The following MYRF variants were observed in gnomAD, a reference collection of about 807,000 sequenced individuals.
The protein encoded by MYRF is myelin regulatory factor.
Under a neutral mutation model 126.3 loss-of-function variants are expected in MYRF, and 16 were observed. The observed-to-expected ratio is 0.13, with a 90% CI of 0.09 to 0.19. MYRF has a LOEUF of 0.19. Among genes scored for constraint, MYRF ranks in the 10% least tolerant of loss-of-function variants. MYRF has a pLI of 1.00. For synonymous variants in MYRF, 608 were observed against 635.3 expected (o/e 0.96, Z 0.65); for missense variants, 1,104 against 1,547.0 (o/e 0.71, Z 4.80).
chr11:61,785,486 T>G (rs1232371299), intron 25 of MYRF: 1 of 385,504 alleles, frequency 2.6e-6, no homozygotes, highest in Non-Finnish European at 4.8e-6. Flanking sequence ...GTACTGAGGA[T>G]GGGGCTAATG....
At position 61,783,583 on chromosome 11, in the gene MYRF, T is replaced by C; in HGVS notation, c.3102T>C (p.Ala1034=). Residue 1034 remains alanine, a synonymous_variant, in exon 23 of 27, where the codon GCT becomes GCC. Coordinates refer to ENST00000278836, the MANE Select transcript of MYRF (RefSeq NM_001127392.3). The surrounding 1 kb of genome is among the most constrained non-coding windows in gnomAD (Gnocchi z 4.6). The part of the protein sequence containing the change: ...NSMSITSQYC[A]PGDACRPGNF... ...TGTCCATCACCTCCCAGTACTGTGCTCCAGGGGATGCCTGCAGGTGGGCTG... is the reference window on the plus strand; with the variant it reads ...TGTCCATCACCTCCCAGTACTGTGCCCCAGGGGATGCCTGCAGGTGGGCTG... The C allele has an allele frequency of 6.2e-7, 1 of 1,613,584 alleles. No homozygotes were observed. The highest frequency in any genetic ancestry group is 8.5e-7 in the Non-Finnish European group (1 of 1,179,860).
rs2066041998 is a variant in MYRF at position 61,765,851 on chromosome 11, C to A, written c.135-107C>A. The A allele has an allele frequency of 4.2e-6, 6 of 1,432,780 alleles. No homozygotes were observed. In the South Asian group the frequency reaches 5.5e-5, roughly 13 times the overall value. 88.8% of individuals were successfully genotyped at this position (1,432,780 alleles called of 1,614,324 possible). On this transcript the variant is annotated intron_variant, in intron 2 of 26. Coordinates refer to ENST00000278836, the MANE Select transcript of MYRF (RefSeq NM_001127392.3). ...AAAGCTGCTCCTCGTCCCTTCCCAG[C>A]CACTGACTCCTCCGAAATCTCCATA...
rs571346487 is a variant in MYRF, at chr11:61,769,339, C to T, written c.460+18C>T. The T allele has an allele frequency of 3.4e-5, 54 of 1,599,878 alleles. No individual in the cohort carries two copies. The highest frequency in any genetic ancestry group is 4.3e-5 in the Non-Finnish European group (50 of 1,172,428). On this transcript the variant is annotated intron_variant, in intron 4 of 26. Transcript: ENST00000278836. ...GGTGAATGGTGAGTCCAGCGGGCACCGCCCTCCTGCTCCAGGGTTTGGGCA... is the reference window on the plus strand; with the variant it reads ...GGTGAATGGTGAGTCCAGCGGGCACTGCCCTCCTGCTCCAGGGTTTGGGCA...
In MYRF at chr11:61,781,780, C is replaced by G; in HGVS notation, c.2972C>G (p.Ser991Cys). The change falls in exon 22 of 27, where the codon TCC becomes TGC. Residue 991 changes from serine to cysteine, a missense_variant. Physicochemically the swap from Ser to Cys is moderately radical, Grantham distance 112. Around this residue, in one of 10 missense-constraint regions of MYRF, gnomAD observed 323 missense variants for 383.1 expected, o/e 0.84. Coordinates refer to ENST00000278836, the MANE Select transcript of MYRF (RefSeq NM_001127392.3). ...HGRARRGALQ[S>C]SVGPAEPTWA... is the part of the protein sequence containing the mutation. The stretch of plus-strand genomic sequence containing the variant: ...CGGGCCCGCCGAGGGGCCCTCCAGT[C>G]CAGCGTGGGCCCTGCTGAGCCCACC... 6.2e-7 allele frequency: 1 copy of G among 1,603,514 alleles called. No homozygotes were observed. The highest frequency in any genetic ancestry group is 8.5e-7 in the Non-Finnish European group (1 of 1,175,974).
chr11:61,754,683 A>C (rs1210566292), intron 1 of MYRF, among the ~76,000 whole-genome samples: 2 of 151,708 alleles, frequency 1.3e-5, no homozygotes, highest in African/African-American at 4.8e-5. Context: ...TTAGCCATGC[A>C]GCGGCCTGGC....
rs748174896 is a variant in MYRF, at chr11:61,766,168, G to C, written c.345G>C (p.Pro115=). Residue 115 remains proline (P), a synonymous_variant, in exon 3 of 27, where the codon CCG becomes CCC. Transcript: ENST00000278836. ...TGGGCGCTGCCCCCAAGCCCTTCCC[G>C]GGGGGCACCGGGCCCCCCATCAAGG... The part of the protein sequence containing the change: ...NGMGAAPKPF[P]GGTGPPIKAE... 1.2e-6 allele frequency: 2 copies of C among 1,611,482 alleles called. No homozygotes were observed. The highest frequency in any genetic ancestry group is 1.1e-5 in the South Asian group (1 of 91,046).
chr11:61,775,823 G>T (rs2066363424), intron 8 of MYRF, among the ~76,000 whole-genome samples: 1 of 151,596 alleles, frequency 6.6e-6, no homozygotes, highest in Non-Finnish European at 1.5e-5. Context: ...CTGTGCAGAA[G>T]TTGGGGGAGT....
chr11:61,781,532 C>T (rs2066547130), intron 21 of MYRF, 41 bp from the exon 22 acceptor site: 4 of 1,590,472 alleles, frequency 2.5e-6, no homozygotes, highest in South Asian at 1.1e-5. Flanking sequence ...AGGAAGCAGC[C>T]AGCTTCCAGC....
In MYRF at chr11:61,776,178, A is replaced by G. The variant is rs2066376938; in HGVS notation, c.1388+46A>G. On this transcript the variant is annotated intron_variant, in intron 9 of 26. Transcript: ENST00000278836. The surrounding 1 kb of genome is among the most constrained non-coding windows in gnomAD (Gnocchi z 4.3). ...GGGGTGGTACCTAGAAGGGTCCACA[A>G]CTAAAGCTGGCTTGGGAATGGAGGG... 3 of 1,607,266 alleles carry G rather than the reference A, an allele frequency of 1.9e-6. No homozygotes were observed. Among genetic ancestry groups the G allele is most frequent in the African/African-American group, 2.7e-5 (2 of 74,858 alleles).
At chr11:61,766,334 G>A in intron 3 of MYRF, 113 bp downstream of exon 3, 1 of 1,178,120 alleles carries the variant, frequency 8.5e-7, no homozygotes, top group Non-Finnish European at 1.2e-6. Flanking sequence ...GATGGGCTGG[G>A]TGACTGGCTG....
In MYRF at chr11:61,776,942, A is replaced by G; in HGVS notation, c.1590+65A>G. ...CAGGACTGGGAGAAACAGCAAGCAG[A>G]AGTACCCGGGTACTGAGAGTCAGGA... is the stretch of plus-strand genomic sequence containing the variant. On this transcript the variant is annotated intron_variant, in intron 11 of 26. Coordinates refer to ENST00000278836, the MANE Select transcript of MYRF (RefSeq NM_001127392.3). This position sits in a 1 kb window ranked among gnomAD's most constrained non-coding sequence, Gnocchi z 4.3. 1.5e-6 allele frequency: 2 copies of G among 1,356,604 alleles called. No individual in the cohort carries two copies. Among genetic ancestry groups the G allele is most frequent in the Non-Finnish European group, 1.0e-6 (1 of 994,370 alleles). The allele number at this position is 1,356,604 out of a possible 1,614,324, so 84.0% of individuals were successfully genotyped here. A position where few individuals can be genotyped will look rare whatever the true frequency, so the allele number is the denominator to read the frequency against.
chr11:61,763,016 G>A (rs1257566666), intron 1 of MYRF, among the ~76,000 whole-genome samples: 2 of 152,178 alleles, frequency 1.3e-5, no homozygotes, highest in Non-Finnish European at 2.9e-5. Flanking sequence ...GCGATTAGGA[G>A]TGCTCCTGGC....
chr11:61,775,652 G>A (rs2066357564), intron 8 of MYRF, among the ~76,000 whole-genome samples: 1 of 152,082 alleles, frequency 6.6e-6, no homozygotes, highest in African/African-American at 2.4e-5. Context: ...CAAGTGGATG[G>A]GCTTGGAGGC....
chr11:61,765,180 C>T (rs945715210), intron 1 of MYRF, among the ~76,000 whole-genome samples: 13 of 152,198 alleles, frequency 8.5e-5, no homozygotes, highest in African/African-American at 2.4e-4. Flanking sequence ...CTGTTGGGTC[C>T]GAGCCATCCC....
chr11:61,788,457 T>C lies in MYRF; in HGVS notation c.*2314T>C, dbSNP rs982730269. 1 of 152,292 alleles carries C rather than the reference T, an allele frequency of 6.6e-6. No individual in the cohort carries two copies. Among genetic ancestry groups the C allele is most frequent in the Non-Finnish European group, 1.5e-5 (1 of 68,042 alleles). The allele number at this position is 152,292 out of a possible 1,614,324, so 9.4% of individuals were successfully genotyped here. ...TGCTTGCTTCCTGTCCCCGAAATGT[T>C]CGTTTCTTCTGAAGTAAATATACAT... On this transcript the variant is annotated 3_prime_UTR_variant, in exon 27 of 27. Coordinates refer to ENST00000278836, the MANE Select transcript of MYRF (RefSeq NM_001127392.3).
At chr11:61,769,409 G>A in intron 4 of MYRF, 88 bp downstream of exon 4, 1 of 1,014,730 alleles carries the variant, frequency 9.9e-7, no homozygotes, top group East Asian at 2.6e-5. Flanking sequence ...AGGAGGGAGG[G>A]GGCCAGCGGC....
At position 61,778,855 on chromosome 11, in the gene MYRF, G is replaced by C; in HGVS notation, c.2013+366G>C. ...TGAGGACGACGTTTGTCACTTACCTGTCCTGAGTCTGGGCGCCAAGGAGGC... is the reference window on the plus strand; with the variant it reads ...TGAGGACGACGTTTGTCACTTACCTCTCCTGAGTCTGGGCGCCAAGGAGGC... On this transcript the variant is annotated intron_variant, in intron 14 of 26. Coordinates refer to ENST00000278836, the MANE Select transcript of MYRF (RefSeq NM_001127392.3). This position sits in a 1 kb window ranked among gnomAD's most constrained non-coding sequence, Gnocchi z 4.6. 3.7e-6 allele frequency: 2 copies of C among 547,610 alleles called. No homozygotes were observed. Among genetic ancestry groups the C allele is most frequent in the Middle Eastern group, 2.8e-4 (1 of 3,614 alleles). The allele number at this position is 547,610 out of a possible 1,614,324, so 33.9% of individuals were successfully genotyped here.
Position 61,784,286 on chromosome 11 carries a change from C to G in MYRF, c.3201C>G (p.Ser1067=). The change falls in exon 25 of 27, where the codon TCC becomes TCG. Residue 1067 remains serine (S), a synonymous_variant. Coordinates refer to ENST00000278836, the MANE Select transcript of MYRF (RefSeq NM_001127392.3). ...TAACTGGGCCTGTCTACAGCTCCTC[C>G]TCCCCCGTGTCTGTGGTGCTGTGCA... ...HLSLTLQMNS[S]SPVSVVLCSL... 6.2e-7 allele frequency: 1 copy of G among 1,613,896 alleles called. No individual in the cohort carries two copies. Among genetic ancestry groups the G allele is most frequent in the Non-Finnish European group, 8.5e-7 (1 of 1,179,946 alleles).
rs544280102 is a variant in MYRF, at chr11:61,783,410, T to C, written c.3017-88T>C. 6.4e-4 allele frequency: 618 copies of C among 964,360 alleles called. 5 individuals carry two copies. Among genetic ancestry groups the C allele is most frequent in the Non-Finnish European group, 8.9e-5 (54 of 608,254 alleles). 59.7% of individuals were successfully genotyped at this position (964,360 alleles called of 1,614,324 possible). A position where few individuals can be genotyped will look rare whatever the true frequency, so the allele number is the denominator to read the frequency against. ...AACCTGGAACTTATTCATACTAAGG[T>C]GTGAGTGACTGCTTCAAGTCTGGCA... On this transcript the variant is annotated intron_variant, in intron 22 of 26. Coordinates refer to ENST00000278836, the MANE Select transcript of MYRF (RefSeq NM_001127392.3). This position sits in a 1 kb window ranked among gnomAD's most constrained non-coding sequence, Gnocchi z 4.6.
Sources: gnomAD v4.1 joint callset for allele counts (sites outside exome capture counted in the v4.1 genomes callset) on GRCh38, gnomAD v4.1.1 for gene constraint, gnomAD v4.1.1 regional missense constraint, Gnocchi (gnomAD v3.1) non-coding constraint, MANE v1.5 for transcripts, NCBI Gene and HGNC (gene_info 2026-07-23, HGNC 2026-07-21) for gene names.